Variants in PLXDC2 observed in about 807,000 individuals in gnomAD.
PLXDC2 encodes plexin domain containing 2.
PLXDC2 carries 40 observed loss-of-function variants against 68.9 expected under a neutral mutation model. The ratio of observed to expected loss-of-function variants is 0.58; its 90% CI spans 0.45 to 0.76. The LOEUF (loss-of-function observed/expected upper bound fraction) is 0.76. PLXDC2 is among the 30% of genes least tolerant of loss of function. The pLI is 0.00. For missense variants in PLXDC2, 644 were observed against 661.9 expected (o/e 0.97, Z 0.30); for synonymous variants, 243 against 234.2 (o/e 1.04, Z -0.34).
intron 1 of PLXDC2, among the ~76,000 whole-genome samples, chr10:19,913,073 C>G (rs1022375648): frequency 6.6e-6 from 1 of 152,126 alleles, no homozygotes; most frequent in Admixed American, 6.6e-5. Flanking sequence ...TTTTTGAATG[C>G]AGCTATACAC....
At chr10:20,025,099 C>T (rs1835375079) in intron 2 of PLXDC2, among the ~76,000 whole-genome samples, 1 of 152,090 alleles carries the variant, frequency 6.6e-6, no homozygotes, top group Non-Finnish European at 1.5e-5. Context: ...CCAGCAATTC[C>T]ATTGCTAGTT....
At chr10:20,070,993 A>G (rs1281417231) in intron 4 of PLXDC2, 2 of 151,952 alleles carry the variant, frequency 1.3e-5, no homozygotes, top group African/African-American at 4.8e-5. Flanking sequence ...AAAACCTAGC[A>G]TCCTGAATGA....
chr10:20,040,323 A>G (rs1426957322), intron 2 of PLXDC2, among the ~76,000 whole-genome samples: 1 of 152,096 alleles, frequency 6.6e-6, no homozygotes, highest in Non-Finnish European at 1.5e-5. Context: ...GAGGATGCCC[A>G]GTGAGATTTT....
At chr10:20,047,898 A>C (rs989858081) in intron 3 of PLXDC2, among the ~76,000 whole-genome samples, 4 of 152,118 alleles carry the variant, frequency 2.6e-5, no homozygotes, top group Non-Finnish European at 5.9e-5. Context: ...GTGTGTGTAA[A>C]ATTTATCACA....
chr10:20,130,669 T>A lies in PLXDC2; in HGVS notation c.542-12626T>A, dbSNP rs1833855843. Among the ~76,000 whole-genome samples, 3 of 152,172 alleles carry A rather than the reference T, an allele frequency of 2.0e-5. No individual in the cohort carries two copies. The South Asian group carries it at 6.2e-4, about 31-fold the overall frequency. On this transcript the variant is annotated intron_variant, in intron 4 of 13. Coordinates refer to ENST00000377252, the MANE Select transcript of PLXDC2 (RefSeq NM_032812.9). ...TTATTATTTTAAGTTATATTCCATCTATACCTAATTTGTTGAGAGTTTTTA... is the reference window on the plus strand; with the variant it reads ...TTATTATTTTAAGTTATATTCCATCAATACCTAATTTGTTGAGAGTTTTTA...
chr10:19,935,546 G>A (rs1355712919), intron 1 of PLXDC2, among the ~76,000 whole-genome samples: 2 of 152,146 alleles, frequency 1.3e-5, no homozygotes, highest in African/African-American at 4.8e-5. Context: ...CTTCCTCTTT[G>A]GCTGCAATGC....
chr10:19,830,032 A>G (rs938324999), intron 1 of PLXDC2, among the ~76,000 whole-genome samples: 7 of 152,208 alleles, frequency 4.6e-5, no homozygotes, highest in Non-Finnish European at 8.8e-5. Context: ...ATTGTCTGAT[A>G]AAATATTAAA....
intron 4 of PLXDC2, among the ~76,000 whole-genome samples, chr10:20,102,155 T>C (rs1833431952): frequency 6.6e-6 from 1 of 152,208 alleles, no homozygotes; most frequent in South Asian, 2.1e-4. Context: ...CAGTGACTGC[T>C]ACCATTGTGG....
At chr10:20,265,278 A>G (rs1364876214) in intron 13 of PLXDC2, among the ~76,000 whole-genome samples, 1 of 152,238 alleles carries the variant, frequency 6.6e-6, no homozygotes, top group Non-Finnish European at 1.5e-5. Flanking sequence ...ATGACCAGAA[A>G]GACATCATAC....
chr10:20,175,726 G>T (rs909970517), intron 7 of PLXDC2, among the ~76,000 whole-genome samples: 4 of 152,104 alleles, frequency 2.6e-5, no homozygotes, highest in African/African-American at 9.7e-5. Context: ...TAGCTACTTG[G>T]GAGACTAAGG....
chr10:19,885,563 T>C (rs1837828670), intron 1 of PLXDC2, among the ~76,000 whole-genome samples: 1 of 152,094 alleles, frequency 6.6e-6, no homozygotes, highest in Non-Finnish European at 1.5e-5. Flanking sequence ...GTTTCAGCTT[T>C]CTACATATGG....
chr10:19,865,550 T>C (rs1205112142), intron 1 of PLXDC2, among the ~76,000 whole-genome samples: 1 of 152,162 alleles, frequency 6.6e-6, no homozygotes, highest in Non-Finnish European at 1.5e-5. Context: ...TCTACTTTGC[T>C]ACTTCTCTGC....
intron 9 of PLXDC2, among the ~76,000 whole-genome samples, chr10:20,181,541 CA>C (rs1834605180): frequency 6.6e-6 from 1 of 151,964 alleles, no homozygotes; most frequent in Non-Finnish European, 1.5e-5. Context: ...AATAAATAAA[CA>C]AAGATCTGAA....
chr10:19,891,698 A>G (rs1837966625), intron 1 of PLXDC2, among the ~76,000 whole-genome samples: 1 of 152,202 alleles, frequency 6.6e-6, no homozygotes, highest in African/African-American at 2.4e-5. Context: ...AAAGCTAGGC[A>G]TGATTGAGGA....
intron 2 of PLXDC2, among the ~76,000 whole-genome samples, chr10:20,004,674 A>G (rs1049225087): frequency 2.0e-5 from 3 of 152,216 alleles, no homozygotes; most frequent in African/African-American, 4.8e-5. Flanking sequence ...ACAGATTCCA[A>G]GAACTCTGTA....
intron 2 of PLXDC2, among the ~76,000 whole-genome samples, chr10:20,044,030 G>A (rs1835731446): frequency 6.6e-6 from 1 of 151,720 alleles, no homozygotes; most frequent in South Asian, 2.1e-4. Context: ...AAGGTTTCAT[G>A]GAAGTGAACA....
chr10:20,271,132 G>C (rs868712453), intron 13 of PLXDC2, among the ~76,000 whole-genome samples: 1 of 97,748 alleles, frequency 1.0e-5, no homozygotes, highest in Non-Finnish European at 2.5e-5. Flanking sequence ...ACAAAAAACA[G>C]ACACACACAC....
chr10:19,875,173 A>G lies in PLXDC2; in HGVS notation c.112+57982A>G, dbSNP rs575046778. Among the ~76,000 whole-genome samples the G allele has an allele frequency of 1.4e-4, 21 of 152,330 alleles. No homozygotes were observed. In the South Asian group the frequency reaches 1.4e-3, roughly 11 times the overall value. The stretch of plus-strand genomic sequence containing the variant: ...ATAATGCTTACTTAGGATCCGATGT[A>G]GGAAGTGGTGCAGAAGGCAGAATTG... On this transcript the variant is annotated intron_variant, in intron 1 of 13. Coordinates refer to ENST00000377252, the MANE Select transcript of PLXDC2 (RefSeq NM_032812.9).
intron 1 of PLXDC2, among the ~76,000 whole-genome samples, chr10:19,984,975 T>C (rs1190590786): frequency 1.3e-5 from 2 of 152,252 alleles, no homozygotes; most frequent in East Asian, 1.9e-4. Flanking sequence ...TTCTTACTCT[T>C]GTAAAAGGAA....
Sources: gnomAD v4.1 joint callset for allele counts (sites outside exome capture counted in the v4.1 genomes callset) on GRCh38, gnomAD v4.1.1 for gene constraint, MANE v1.5 for transcripts, NCBI Gene and HGNC (gene_info 2026-07-23, HGNC 2026-07-21) for gene names.